Variants in FARS2 observed in about 807,000 individuals in gnomAD.
FARS2 encodes the protein phenylalanine--tRNA ligase, mitochondrial.
FARS2 carries 40 observed loss-of-function variants against 46.4 expected under a neutral mutation model. That is an observed-to-expected ratio of 0.86 (90% CI 0.67 to 1.12). The LOEUF is 1.12. FARS2 is among the 50% of genes most tolerant of loss of function. FARS2 has a pLI of 0.00. For synonymous variants in FARS2, 234 were observed against 214.9 expected (o/e 1.09, Z -0.78); for missense variants, 513 against 567.9 (o/e 0.90, Z 0.98).
At chr6:5,578,820 A>AC (rs1561727222) in intron 5 of FARS2, among the ~76,000 whole-genome samples, 19 of 56,084 alleles carry the variant, frequency 3.4e-4, no homozygotes, top group African/African-American at 9.2e-4. Context: ...AAAAAAAAAA[A>AC]AAAAAAAAAA....
chr6:5,524,847 A>C (rs545518207), intron 4 of FARS2, among the ~76,000 whole-genome samples: 1 of 152,282 alleles, frequency 6.6e-6, no homozygotes, highest in African/African-American at 2.4e-5. Flanking sequence ...TGATTAAGCT[A>C]ACTGTATGGC....
At chr6:5,405,044 A>G (rs906677733) in intron 3 of FARS2, among the ~76,000 whole-genome samples, 2 of 151,852 alleles carry the variant, frequency 1.3e-5, no homozygotes, top group African/African-American at 4.8e-5. Context: ...TGATCCGCCC[A>G]CCTCGGCCTC....
At chr6:5,616,953 G>T (rs1196363225) in intron 6 of FARS2, among the ~76,000 whole-genome samples, 1 of 151,632 alleles carries the variant, frequency 6.6e-6, no homozygotes, top group East Asian at 1.9e-4. Flanking sequence ...GATGTGGGGG[G>T]TAGATGTCAC....
intron 4 of FARS2, among the ~76,000 whole-genome samples, chr6:5,505,422 T>C (rs1768042364): frequency 6.6e-6 from 1 of 152,206 alleles, no homozygotes; most frequent in African/African-American, 2.4e-5. Context: ...GCAATCACAC[T>C]TTTAGCCAGA....
chr6:5,712,614 A>G (rs1759244988), intron 6 of FARS2, among the ~76,000 whole-genome samples: 1 of 152,156 alleles, frequency 6.6e-6, no homozygotes. Context: ...TCACTCCCCT[A>G]CTTACAAAGC....
At chr6:5,315,977 C>T (rs1261388247) in intron 1 of FARS2, among the ~76,000 whole-genome samples, 2 of 152,236 alleles carry the variant, frequency 1.3e-5, no homozygotes, top group Non-Finnish European at 2.9e-5. Flanking sequence ...CTGATGCTCA[C>T]TGTGTCATCT....
At chr6:5,503,437 A>T (rs1767927824) in intron 4 of FARS2, among the ~76,000 whole-genome samples, 1 of 147,710 alleles carries the variant, frequency 6.8e-6, no homozygotes, top group African/African-American at 2.5e-5. Flanking sequence ...GAGAGAGATA[A>T]CTGTGTGAGA....
intron 6 of FARS2, among the ~76,000 whole-genome samples, chr6:5,675,553 C>T (rs190997633): frequency 6.6e-6 from 1 of 152,268 alleles, no homozygotes; most frequent in Admixed American, 6.5e-5. Flanking sequence ...AAAAAGAGTC[C>T]TGTTCAGCTA....
At chr6:5,719,442 G>GAGAGAAAGAGAAAGAA (rs140806785) in intron 6 of FARS2, among the ~76,000 whole-genome samples, 1 of 144,582 alleles carries the variant, frequency 6.9e-6, no homozygotes, top group South Asian at 2.3e-4. Flanking sequence ...AGGAAAGAAA[G>GAGAGAAAGAGAAAGAA]AGAGAAAGAG....
rs1288731349 is a variant in FARS2 at position 5,738,012 on chromosome 6, G to A, written c.1218-33279G>A. 1.8e-4 allele frequency among the ~76,000 whole-genome samples: 27 copies of A among 152,212 alleles called. 2 individuals are homozygous for A. The highest frequency in any genetic ancestry group is 1.7e-3 in the Admixed American group (26 of 15,288). Reference sequence around the variant, plus strand: ...GTCACCCACGCTGGAGTGCAGTGGTGCAATCATGGCTCACTGTGATCTTGA... The same window carrying A: ...GTCACCCACGCTGGAGTGCAGTGGTACAATCATGGCTCACTGTGATCTTGA... On this transcript the variant is annotated intron_variant, in intron 6 of 6. Transcript: ENST00000274680.
At chr6:5,382,763 G>A (rs766177573) in intron 2 of FARS2, among the ~76,000 whole-genome samples, 1 of 152,130 alleles carries the variant, frequency 6.6e-6, no homozygotes, top group Non-Finnish European at 1.5e-5. Context: ...CGAACCAATA[G>A]GATATAGCAC....
intron 1 of FARS2, among the ~76,000 whole-genome samples, chr6:5,267,169 A>AAAAC (rs1765605171): frequency 6.6e-6 from 1 of 151,484 alleles, no homozygotes; most frequent in African/African-American, 2.4e-5. Context: ...TAAAAAAAAA[A>AAAAC]AACTCATTAA....
chr6:5,618,173 C>T (rs1174548394), intron 6 of FARS2, among the ~76,000 whole-genome samples: 1 of 152,168 alleles, frequency 6.6e-6, no homozygotes, highest in Non-Finnish European at 1.5e-5. Flanking sequence ...CTGTAGGTTG[C>T]TAACCCTTGA....
At chr6:5,474,174 G>A (rs762967817) in intron 4 of FARS2, among the ~76,000 whole-genome samples, 1 of 152,330 alleles carries the variant, frequency 6.6e-6, no homozygotes, top group Middle Eastern at 3.4e-3. Context: ...GGCACATGCC[G>A]CTGTCTACAT....
chr6:5,713,371 A>G (rs1255330428), intron 6 of FARS2, among the ~76,000 whole-genome samples: 2 of 152,226 alleles, frequency 1.3e-5, no homozygotes, highest in Non-Finnish European at 2.9e-5. Context: ...TAAAATCACT[A>G]CTTATTTTGG....
At chr6:5,762,503 T>C (rs1404319581) in intron 6 of FARS2, among the ~76,000 whole-genome samples, 1 of 152,152 alleles carries the variant, frequency 6.6e-6, no homozygotes, top group Non-Finnish European at 1.5e-5. Context: ...CAGGAGACAC[T>C]CACTGGGAAG....
chr6:5,318,386 C>T (rs201175078), intron 1 of FARS2, among the ~76,000 whole-genome samples: 2 of 65,766 alleles, frequency 3.0e-5, no homozygotes, highest in East Asian at 9.2e-4. Context: ...CAAAAAAAAA[C>T]CAAAAAAAAA....
intron 6 of FARS2, among the ~76,000 whole-genome samples, chr6:5,638,384 G>A (rs1776646285): frequency 6.6e-6 from 1 of 152,146 alleles, no homozygotes; most frequent in Non-Finnish European, 1.5e-5. Flanking sequence ...GGCCACCTTG[G>A]TGAAACCCCA....
At chr6:5,426,383 CAT>C (rs1452597051) in intron 3 of FARS2, among the ~76,000 whole-genome samples, 1 of 152,090 alleles carries the variant, frequency 6.6e-6, no homozygotes, top group African/African-American at 2.4e-5. Flanking sequence ...TAATACTTGA[CAT>C]GTGAAATAAG....
Sources: gnomAD v4.1 joint callset for allele counts (sites outside exome capture counted in the v4.1 genomes callset) on GRCh38, gnomAD v4.1.1 for gene constraint, MANE v1.5 for transcripts, NCBI Gene and HGNC (gene_info 2026-07-23, HGNC 2026-07-21) for gene names.